The following AXDND1 variants were observed in gnomAD, a reference collection of about 807,000 sequenced individuals.
The protein encoded by AXDND1 is axonemal dynein light chain domain-containing protein 1.
Under a neutral mutation model 137.5 loss-of-function variants are expected in AXDND1, and 110 were observed. The observed-to-expected ratio is 0.80, with a 90% CI of 0.69 to 0.94. The LOEUF is 0.94. AXDND1 is among the 40% of genes least tolerant of loss of function. The probability of loss-of-function intolerance (pLI) is 0.00; values close to 1 mark genes in which losing one functional copy is unlikely to be tolerated. For missense variants in AXDND1, 1,191 were observed against 1,169.8 expected (o/e 1.02, Z -0.26); for synonymous variants, 414 against 399.7 (o/e 1.04, Z -0.43).
chr1:179,528,344 A>G lies in AXDND1; in HGVS notation c.2628A>G (p.Thr876=). The part of the protein sequence containing the change: ...ERAEEQPSTS[T]EKEKLIRFIG... ...TGTTCTAGCAACCTTCAACATCTAC[A>G]GAGAAGGAAAAACTCATTCGATTCA... Residue 876 remains threonine, a synonymous_variant, in exon 23 of 26, where the codon ACA becomes ACG. Transcript: ENST00000367618. 2 of 1,613,614 alleles carry G rather than the reference A, an allele frequency of 1.2e-6. No individual in the cohort carries two copies. Among genetic ancestry groups the G allele is most frequent in the East Asian group, 2.2e-5 (1 of 44,870 alleles).
At chr1:179,424,710 G>A (rs1287960714) in intron 12 of AXDND1, among the ~76,000 whole-genome samples, 4 of 151,980 alleles carry the variant, frequency 2.6e-5, no homozygotes, top group South Asian at 2.1e-4. Flanking sequence ...GATTGCAGGC[G>A]TGAGCCACCA....
intron 20 of AXDND1, among the ~76,000 whole-genome samples, chr1:179,494,851 G>A (rs1379008490): frequency 1.3e-5 from 2 of 152,196 alleles, no homozygotes; most frequent in East Asian, 1.9e-4. Context: ...TTATATTCAA[G>A]TCTATGACCC....
At chr1:179,480,374 A>G (rs1006282745) in intron 17 of AXDND1, among the ~76,000 whole-genome samples, 6 of 152,162 alleles carry the variant, frequency 3.9e-5, no homozygotes, top group Non-Finnish European at 7.3e-5. Context: ...TTATAAAATC[A>G]TCAGATCTCA....
Position 179,487,649 on chromosome 1 carries a change from A to G in AXDND1, c.2092-3889A>G, listed in dbSNP as rs994848141. Reference sequence around the variant, plus strand: ...CTGAAATGATAGCTCAGAAAGAAACATGAATCCAAATTGAAGAAATACATC... The same window carrying G: ...CTGAAATGATAGCTCAGAAAGAAACGTGAATCCAAATTGAAGAAATACATC... On this transcript the variant is annotated intron_variant, in intron 18 of 25. Transcript: ENST00000367618. Among the ~76,000 whole-genome samples the G allele has an allele frequency of 1.3e-5, 2 of 148,508 alleles. 1 individual carries two copies. Among genetic ancestry groups the G allele is most frequent in the Admixed American group, 1.3e-4 (2 of 15,046 alleles).
chr1:179,445,185 A>G lies in AXDND1; in HGVS notation c.1779A>G (p.Ile593Met), dbSNP rs560458665. 8.0e-5 allele frequency: 127 copies of G among 1,589,718 alleles called. No individual in the cohort carries two copies. In the South Asian group the frequency reaches 1.3e-3, roughly 16 times the overall value. ...NIQKLYKEYE[I>M]RINGDNGYSK... Reference sequence around the variant, plus strand: ...AAAAACTCTACAAAGAATATGAAATAAGAATAAATGGGGACAATGGTAAGA... The same window carrying G: ...AAAAACTCTACAAAGAATATGAAATGAGAATAAATGGGGACAATGGTAAGA... Residue 593 changes from isoleucine (I) to methionine (M), a missense_variant, in exon 16 of 26, where the codon ATA (isoleucine) becomes ATG (methionine). By Grantham distance (10) the Ile-to-Met change is conservative. Transcript: ENST00000367618.
intron 22 of AXDND1, among the ~76,000 whole-genome samples, chr1:179,527,837 C>CT (rs1670680750): frequency 6.6e-6 from 1 of 152,066 alleles, no homozygotes; most frequent in Non-Finnish European, 1.5e-5. Context: ...ATTACTACTG[C>CT]AACTACTGCT....
intron 21 of AXDND1, 113 bp downstream of exon 21, chr1:179,509,516 C>T (rs1668828564): frequency 1.8e-5 from 12 of 679,380 alleles, no homozygotes; most frequent in Non-Finnish European, 2.7e-5. Context: ...TTTACCCTAA[C>T]ATATGAGAAT....
chr1:179,418,033 G>A (rs1044997300), intron 12 of AXDND1, among the ~76,000 whole-genome samples: 14 of 147,222 alleles, frequency 9.5e-5, no homozygotes, highest in East Asian at 8.1e-4. Flanking sequence ...GGTGTTTCTC[G>A]CAGAGGGGGA....
At chr1:179,524,830 A>G (rs1670386063) in intron 21 of AXDND1, among the ~76,000 whole-genome samples, 1 of 152,164 alleles carries the variant, frequency 6.6e-6, no homozygotes, top group African/African-American at 2.4e-5. Flanking sequence ...TGCAAAGCAA[A>G]TCAACCAATT....
At chr1:179,550,479 C>G (rs904952436) in intron 25 of AXDND1, 1 of 151,014 alleles carries the variant, frequency 6.6e-6, no homozygotes, top group Non-Finnish European at 1.5e-5. Flanking sequence ...CCACATGTGT[C>G]AGATGTTTTT....
intron 20 of AXDND1, among the ~76,000 whole-genome samples, chr1:179,506,129 G>A (rs1668517768): frequency 6.6e-6 from 1 of 152,118 alleles, no homozygotes; most frequent in South Asian, 2.1e-4. Context: ...ACTTAGCCAG[G>A]CCAGATAAGC....
At chr1:179,429,113 C>T (rs527625284) in intron 12 of AXDND1, among the ~76,000 whole-genome samples, 2 of 151,946 alleles carry the variant, frequency 1.3e-5, no homozygotes, top group South Asian at 2.1e-4. Context: ...GGAGTTGGAG[C>T]TTGCAGTGAG....
chr1:179,447,475 G>T, intron 16 of AXDND1: 1 of 441,348 alleles, frequency 2.3e-6, no homozygotes, highest in Non-Finnish European at 4.0e-6. Context: ...AATTTTGAAT[G>T]GAAATATTCA....
chr1:179,533,154 G>A (rs966192480), intron 23 of AXDND1: 5 of 152,010 alleles, frequency 3.3e-5, no homozygotes, highest in African/African-American at 1.2e-4. Context: ...GGATAAATGA[G>A]ACTTTAAAAG....
chr1:179,395,483 A>G (rs1650910507), intron 11 of AXDND1, among the ~76,000 whole-genome samples: 1 of 152,200 alleles, frequency 6.6e-6, no homozygotes, highest in African/African-American at 2.4e-5. Flanking sequence ...GGGTAAAGAA[A>G]CAGTGAGCAT....
At chr1:179,422,164 T>C (rs867852964) in intron 12 of AXDND1, among the ~76,000 whole-genome samples, 13 of 152,198 alleles carry the variant, frequency 8.5e-5, no homozygotes. Context: ...ATTTTAGGTT[T>C]GGTTTGTTCT....
chr1:179,527,059 C>T (rs1018888079), intron 22 of AXDND1, among the ~76,000 whole-genome samples: 2 of 152,140 alleles, frequency 1.3e-5, no homozygotes, highest in African/African-American at 2.4e-5. Flanking sequence ...AAAGTGAAAG[C>T]AAGTTTATTA....
intron 25 of AXDND1, among the ~76,000 whole-genome samples, chr1:179,547,672 C>A (rs1672775303): frequency 6.6e-6 from 1 of 152,148 alleles, no homozygotes; most frequent in African/African-American, 2.4e-5. Context: ...GAGCACCTGA[C>A]CTGGCAGAGT....
intron 9 of AXDND1, among the ~76,000 whole-genome samples, chr1:179,390,017 G>GT (rs35107498): frequency 0.28 from 39,847 of 140,710 alleles, 5,463 homozygotes; most frequent in Non-Finnish European, 0.3. Flanking sequence ...ACCTAGATCA[G>GT]TTTTTTTTTT....
Sources: allele counts gnomAD v4.1 joint callset (sites outside exome capture counted in the v4.1 genomes callset), GRCh38; gene constraint gnomAD v4.1.1; transcripts MANE v1.5; gene names NCBI Gene and HGNC (gene_info 2026-07-23, HGNC 2026-07-21).